RASL12: variants seen among roughly 807,000 people sequenced by gnomAD.
The protein encoded by RASL12 is ras-like protein family member 12.
In RASL12, 16 loss-of-function variants were observed where a neutral mutation model predicts 22.9. The ratio of observed to expected loss-of-function variants is 0.70; its 90% CI spans 0.47 to 1.06. The LOEUF is 1.06. RASL12 is among the 50% of genes least tolerant of loss of function. The pLI is 0.00. For missense variants in RASL12, 306 were observed against 353.1 expected (o/e 0.87, Z 1.07); for synonymous variants, 159 against 152.2 (o/e 1.04, Z -0.33).
At chr15:65,047,795 T>TGACAGATA in the RASL12 span, among the ~76,000 whole-genome samples, 1 of 149,832 alleles carries the variant, frequency 6.7e-6, no homozygotes, top group African/African-American at 2.5e-5. Flanking sequence ...GATCGATAGA[T>TGACAGATA]GATAGATAGA....
chr15:65,062,038 G>A (rs902578737), intron 2 of RASL12, among the ~76,000 whole-genome samples: 1 of 147,434 alleles, frequency 6.8e-6, no homozygotes, highest in Admixed American at 6.8e-5. Flanking sequence ...CCGAGATTGC[G>A]CCACTGCACT....
chr15:65,057,999 C>T (rs1000801240), intron 4 of RASL12, among the ~76,000 whole-genome samples: 17 of 152,284 alleles, frequency 1.1e-4, no homozygotes, highest in African/African-American at 3.6e-4. Flanking sequence ...TGGTCGGGCA[C>T]GGTGGCTCAC....
At chr15:65,059,539 C>G in intron 2 of RASL12, 121 bp from the exon 3 acceptor site, 1 of 738,908 alleles carries the variant, frequency 1.4e-6, no homozygotes, top group East Asian at 2.6e-5. Context: ...GGGCTGGGAC[C>G]ACTGGAAAGT....
intron 4 of RASL12, among the ~76,000 whole-genome samples, chr15:65,057,109 G>T (rs1292873617): frequency 6.6e-6 from 1 of 152,186 alleles, no homozygotes; most frequent in Non-Finnish European, 1.5e-5. Flanking sequence ...AGGTCTGAGG[G>T]CTTGGCCACC....
intron 4 of RASL12, among the ~76,000 whole-genome samples, chr15:65,055,811 G>A (rs1255675295): frequency 1.3e-5 from 2 of 152,180 alleles, no homozygotes; most frequent in Non-Finnish European, 2.9e-5. Context: ...CCTGGGGTTT[G>A]TGTTTGTGAA....
intron 1 of RASL12, among the ~76,000 whole-genome samples, chr15:65,074,920 G>C (rs968501790): frequency 5.9e-5 from 9 of 152,236 alleles, no homozygotes; most frequent in African/African-American, 2.2e-4. Context: ...TCCCACTTTG[G>C]CGGCACTTGT....
At chr15:65,059,554 G>C (rs184975385) in intron 2 of RASL12, 136 bp from the exon 3 acceptor site, 2 of 682,542 alleles carry the variant, frequency 2.9e-6, no homozygotes, top group South Asian at 3.4e-5. Context: ...GAAAGTCCTT[G>C]GTTCTCACCC....
At chr15:65,068,423 A>C, upstream of RASL12, 1 of 384,808 alleles carries the variant, frequency 2.6e-6, no homozygotes, top group Non-Finnish European at 3.6e-6. The surrounding 1 kb of genome is among the most constrained non-coding windows in gnomAD (Gnocchi z 4.2). Context: ...CTATATCCCC[A>C]ATCACATTAT....
rs548915310 is a variant in RASL12 at position 65,059,596 on chromosome 15, A to G, written c.161-178T>C. ...AGGCTACAGGCAGAACCTCCCACCA[A>G]GGAGATGCTGCTCCACCTGCAGGGC... On this transcript the variant is annotated intron_variant, in intron 2 of 4. Coordinates refer to ENST00000220062, the MANE Select transcript of RASL12 (RefSeq NM_016563.4). 2.0e-5 allele frequency among the ~76,000 whole-genome samples: 3 copies of G among 152,332 alleles called. No individual in the cohort carries two copies. The South Asian group carries it at 6.2e-4, about 32-fold the overall frequency.
At chr15:65,046,774 G>A in the RASL12 span, among the ~76,000 whole-genome samples, 2 of 152,016 alleles carry the variant, frequency 1.3e-5, no homozygotes, top group East Asian at 1.9e-4. Context: ...TTAGCCGGGC[G>A]TGGTGGCACA....
chr15:65,054,395 A>G lies in RASL12; in HGVS notation c.*504T>C. ...AGCCTGGGCCTTCTGTGAAGTCAGC[A>G]GATGACAGGAGGGCCAGGCTCTGGC... On this transcript the variant is annotated 3_prime_UTR_variant, in exon 5 of 5. Coordinates refer to ENST00000220062, the MANE Select transcript of RASL12 (RefSeq NM_016563.4). 2.0e-6 allele frequency: 2 copies of G among 987,888 alleles called. No homozygotes were observed. The highest frequency in any genetic ancestry group is 2.4e-6 in the Non-Finnish European group (2 of 831,614). The allele number at this position is 987,888 out of a possible 1,614,324, so 61.2% of individuals were successfully genotyped here.
chr15:65,063,749 T>C (rs1015221031), intron 2 of RASL12, among the ~76,000 whole-genome samples: 1 of 152,230 alleles, frequency 6.6e-6, no homozygotes, highest in African/African-American at 2.4e-5. Context: ...AGGAAAAGCT[T>C]TTTTAAACAA....
chr15:65,063,913 G>C (rs1466607227), intron 2 of RASL12, among the ~76,000 whole-genome samples: 7 of 152,176 alleles, frequency 4.6e-5, no homozygotes, highest in African/African-American at 1.7e-4. Context: ...GAGCGCAGGG[G>C]GTTTCCACTG....
At chr15:65,050,008 G>A, downstream of RASL12, 1 of 1,551,074 alleles carries the variant, frequency 6.4e-7, no homozygotes, top group South Asian at 1.2e-5. Context: ...CAGGGGCATG[G>A]AGCACAGTGA....
chr15:65,058,618 C>G lies in RASL12; in HGVS notation c.235-1G>C. ...AGCGCTCGCAGTTCCTGGGGGTGTC[C>G]TGGGGTGAAGGTGAGAAGCCCCGCC... On this transcript the variant is annotated splice_acceptor_variant, in intron 3 of 4. Transcript: ENST00000220062. LOFTEE classifies it high-confidence loss of function. 1.3e-6 allele frequency: 2 copies of G among 1,532,484 alleles called. No individual in the cohort carries two copies. The highest frequency in any genetic ancestry group is 1.8e-6 in the Non-Finnish European group (2 of 1,128,618). 94.9% of individuals were successfully genotyped at this position (1,532,484 alleles called of 1,614,324 possible). A position where few individuals can be genotyped will look rare whatever the true frequency, so the allele number is the denominator to read the frequency against.
chr15:65,058,680 G>A, intron 3 of RASL12, 63 bp from the exon 4 acceptor site: 1 of 1,282,422 alleles, frequency 7.8e-7, no homozygotes, highest in Non-Finnish European at 1.0e-6. Context: ...GCCTTCACCT[G>A]AGCCGCCCAA....
chr15:65,056,189 T>C (rs1440463105), intron 4 of RASL12, among the ~76,000 whole-genome samples: 3 of 152,148 alleles, frequency 2.0e-5, no homozygotes, highest in Non-Finnish European at 4.4e-5. Flanking sequence ...CCTGACCTAC[T>C]GCTGAGCTGT....
chr15:65,051,876 A>G (rs2086658177), downstream of RASL12, among the ~76,000 whole-genome samples: 1 of 152,200 alleles, frequency 6.6e-6, no homozygotes, highest in South Asian at 2.1e-4. Context: ...TCAGAAGGCG[A>G]GCTTGCCCCT....
downstream of RASL12, among the ~76,000 whole-genome samples, chr15:65,050,836 C>CCTTT (rs2086642864): frequency 3.1e-5 from 3 of 95,648 alleles, no homozygotes; most frequent in Non-Finnish European, 5.6e-5. Flanking sequence ...TCTTCTTCTT[C>CCTTT]TTTTTTTTTT....
Sources: gnomAD v4.1 joint callset for allele counts (sites outside exome capture counted in the v4.1 genomes callset) on GRCh38, gnomAD v4.1.1 for gene constraint, Gnocchi (gnomAD v3.1) non-coding constraint, MANE v1.5 for transcripts, NCBI Gene and HGNC (gene_info 2026-07-23, HGNC 2026-07-21) for gene names.